The following EML1 variants were observed in gnomAD, a reference collection of about 807,000 sequenced individuals.
EML1 encodes echinoderm microtubule-associated protein-like 1.
Under a neutral mutation model 110.4 loss-of-function variants are expected in EML1, and 27 were observed. The ratio of observed to expected loss-of-function variants is 0.24; its 90% confidence interval spans 0.18 to 0.34. EML1 has a LOEUF of 0.34. Ranked by LOEUF, EML1 falls within the 10% of genes least tolerant of loss-of-function variation. The probability of loss-of-function intolerance (pLI) is 1.00; values close to 1 mark genes in which losing one functional copy is unlikely to be tolerated. For synonymous variants in EML1, 344 were observed against 385.8 expected, an observed-to-expected ratio of 0.89 and a Z score of 1.27; for missense variants, 741 against 1,030.9, an observed-to-expected ratio of 0.72 and a Z score of 3.85.
intron 1 of EML1, among the ~76,000 whole-genome samples, chr14:99,788,290 G>A (rs192212655): frequency 4.6e-5 from 7 of 152,178 alleles, no homozygotes; most frequent in East Asian, 1.9e-4. Flanking sequence ...GATTGTGACC[G>A]TGACCCACAA....
At chr14:99,933,545 G>A (rs1020904689) in intron 17 of EML1, among the ~76,000 whole-genome samples, 3 of 152,248 alleles carry the variant, frequency 2.0e-5, no homozygotes, top group African/African-American at 7.2e-5. Context: ...TCATGTGACA[G>A]ATTTTCAGCT....
chr14:99,860,445 T>C (rs1485303893), intron 2 of EML1, among the ~76,000 whole-genome samples: 1 of 152,156 alleles, frequency 6.6e-6, no homozygotes, highest in African/African-American at 2.4e-5. Context: ...AATGATTCAT[T>C]ACAGCTGCTC....
Position 99,781,667 on chromosome 14 carries a change from G to C in EML1, c.-27+7654G>C. On this transcript the variant is annotated intron_variant, in intron 1 of 22. Transcript: ENST00000327921. The surrounding 1 kb of genome is among the most constrained non-coding windows in gnomAD (Gnocchi z 4.2). ...CTGTGGCTTCCAAGGGGCTCCCATTGCCCATAGACTAAGCCCAGCCTGTTA... is the reference window on the plus strand; with the variant it reads ...CTGTGGCTTCCAAGGGGCTCCCATTCCCCATAGACTAAGCCCAGCCTGTTA... Among the ~76,000 whole-genome samples the C allele has an allele frequency of 6.6e-6, 1 of 152,180 alleles. No homozygotes were observed. Among genetic ancestry groups the C allele is most frequent in the East Asian group, 1.9e-4 (1 of 5,188 alleles).
chr14:99,927,126 A>G (rs2060248904), intron 17 of EML1, among the ~76,000 whole-genome samples: 1 of 152,228 alleles, frequency 6.6e-6, no homozygotes, highest in South Asian at 2.1e-4. Context: ...TAATATCATC[A>G]GATGGCCAGT....
At chr14:99,770,907 C>A (rs2057421270), upstream of EML1, among the ~76,000 whole-genome samples, 1 of 151,420 alleles carries the variant, frequency 6.6e-6, no homozygotes, top group African/African-American at 2.4e-5. Flanking sequence ...GCCTCAGCCT[C>A]CCGAGTAGCT....
chr14:99,900,509 G>T (rs1167316106), intron 8 of EML1, among the ~76,000 whole-genome samples: 2 of 152,102 alleles, frequency 1.3e-5, no homozygotes, highest in African/African-American at 2.4e-5. Context: ...AATATTATTT[G>T]GTGGTGACCA....
chr14:99,845,699 C>T (rs1239289234), intron 1 of EML1, among the ~76,000 whole-genome samples: 1 of 152,164 alleles, frequency 6.6e-6, no homozygotes, highest in Non-Finnish European at 1.5e-5. Context: ...TCAGAAGTGC[C>T]ATAGACACAC....
At chr14:99,772,926 T>C (rs1326163890), upstream of EML1, 2 of 152,134 alleles carry the variant, frequency 1.3e-5, no homozygotes, top group Non-Finnish European at 2.9e-5. Context: ...ATGAATAAAA[T>C]ACAAGAATTT....
intron 1 of EML1, among the ~76,000 whole-genome samples, chr14:99,760,139 C>T (rs2057299926): frequency 1.4e-5 from 2 of 141,344 alleles, no homozygotes; most frequent in Admixed American, 1.4e-4. Context: ...GCTTAAATCA[C>T]TCCATTTGGA....
chr14:99,937,998 C>G, intron 20 of EML1, 86 bp downstream of exon 20: 1 of 1,391,922 alleles, frequency 7.2e-7, no homozygotes, highest in Non-Finnish European at 1.0e-6. Flanking sequence ...GTCTCATGGT[C>G]ACCAGTCTTG....
At chr14:99,748,280 G>C (rs960221752) in intron 1 of EML1, among the ~76,000 whole-genome samples, 12 of 152,194 alleles carry the variant, frequency 7.9e-5, no homozygotes, top group Non-Finnish European at 1.6e-4. Flanking sequence ...CCTGGGATCC[G>C]GAGCTTGCCC....
chr14:99,811,590 C>T (rs1401174694), intron 1 of EML1, among the ~76,000 whole-genome samples: 1 of 149,438 alleles, frequency 6.7e-6, no homozygotes, highest in Non-Finnish European at 1.5e-5. Context: ...ATCACTTGAC[C>T]CTAGGAGTTT....
chr14:99,776,539 T>A (rs1397548104), intron 1 of EML1, among the ~76,000 whole-genome samples: 1 of 151,266 alleles, frequency 6.6e-6, no homozygotes, highest in Non-Finnish European at 1.5e-5. Flanking sequence ...AATTAATTAG[T>A]GCAGAATCCC....
chr14:99,874,492 T>A (rs973517528), intron 3 of EML1, among the ~76,000 whole-genome samples: 2 of 152,234 alleles, frequency 1.3e-5, no homozygotes, highest in Non-Finnish European at 2.9e-5. Flanking sequence ...ACATAGCTTC[T>A]TTGATATTCC....
chr14:99,850,978 C>T lies in EML1; in HGVS notation c.193C>T (p.Arg65Trp), dbSNP rs754391824. The part of the protein sequence containing the change: ...LKSALADVVR[R>W]LNITEEQQAV... ...ATCAGCTCTAGCTGATGTGGTTCGG[C>T]GGCTGAACATTACTGAGGAACAGCA... The change falls in exon 2 of 22, where the codon CGG becomes TGG. Residue 65 changes from arginine to tryptophan, a missense_variant. Transcript: ENST00000262233. 5.0e-6 allele frequency: 8 copies of T among 1,614,018 alleles called. No individual in the cohort carries two copies. Among genetic ancestry groups the T allele is most frequent in the African/African-American group, 2.7e-5 (2 of 74,908 alleles).
intron 1 of EML1, among the ~76,000 whole-genome samples, chr14:99,757,601 C>T (rs540167857): frequency 6.6e-6 from 1 of 152,272 alleles, no homozygotes; most frequent in South Asian, 2.1e-4. Flanking sequence ...TAAGCAAAAG[C>T]AAAGTTGAGT....
At chr14:99,777,683 G>T (rs150680204) in intron 1 of EML1, among the ~76,000 whole-genome samples, 1 of 152,170 alleles carries the variant, frequency 6.6e-6, no homozygotes, top group South Asian at 2.1e-4. Context: ...GCCTCCAAAA[G>T]TGCTGGGATT....
At chr14:99,892,679 G>A (rs1420019523) in intron 5 of EML1, among the ~76,000 whole-genome samples, 1 of 152,148 alleles carries the variant, frequency 6.6e-6, no homozygotes, top group African/African-American at 2.4e-5. Flanking sequence ...TTTTTGCCTA[G>A]TTCAGTAAGT....
intron 9 of EML1, among the ~76,000 whole-genome samples, chr14:99,906,379 A>G (rs2059846725): frequency 6.6e-6 from 1 of 152,144 alleles, no homozygotes; most frequent in South Asian, 2.1e-4. Flanking sequence ...TTCCATGGTT[A>G]TTTCTTGATG....
Sources: gnomAD v4.1 joint callset for allele counts (sites outside exome capture counted in the v4.1 genomes callset) on GRCh38, gnomAD v4.1.1 for gene constraint, Gnocchi (gnomAD v3.1) non-coding constraint, MANE v1.5 for transcripts, NCBI Gene and HGNC (gene_info 2026-07-23, HGNC 2026-07-21) for gene names.